HS3ST4: variants seen among roughly 807,000 people sequenced by gnomAD.
The protein encoded by HS3ST4 is heparan sulfate glucosamine 3-O-sulfotransferase 4.
A neutral mutation model predicts 29.2 loss-of-function variants in HS3ST4; 17 were observed. That is an observed-to-expected ratio of 0.58 (90% CI 0.40 to 0.87). The LOEUF (loss-of-function observed/expected upper bound fraction) is 0.87, where lower values mean the gene tolerates loss of function less well. Among genes scored for constraint, HS3ST4 ranks in the 40% least tolerant of loss-of-function variants. The probability of loss-of-function intolerance (pLI) is 0.00; values close to 1 mark genes in which losing one functional copy is unlikely to be tolerated. For synonymous variants in HS3ST4, 314 were observed against 285.7 expected (o/e 1.10, Z -1.00); for missense variants, 627 against 634.5 (o/e 0.99, Z 0.13).
chr16:25,707,491 G>A (rs1266518756), intron 1 of HS3ST4, among the ~76,000 whole-genome samples: 1 of 152,124 alleles, frequency 6.6e-6, no homozygotes, highest in Admixed American at 6.5e-5. Flanking sequence ...TGGGGGTCTT[G>A]GAGCATATCC....
At chr16:25,869,533 G>T (rs978532395) in intron 1 of HS3ST4, among the ~76,000 whole-genome samples, 2 of 152,128 alleles carry the variant, frequency 1.3e-5, no homozygotes, top group African/African-American at 4.8e-5. Context: ...CACAAGTAGT[G>T]CAGGGAGGGA....
At chr16:25,778,137 A>AAT (rs34878441) in intron 1 of HS3ST4, among the ~76,000 whole-genome samples, 25,511 of 151,450 alleles carry the variant, frequency 0.17, 2,226 homozygotes, top group Middle Eastern at 0.28. Context: ...TACATACTAA[A>AAT]ATATATATAT....
intron 1 of HS3ST4, among the ~76,000 whole-genome samples, chr16:26,099,321 A>C (rs918398579): frequency 6.6e-6 from 1 of 152,114 alleles, no homozygotes; most frequent in African/African-American, 2.4e-5. Context: ...TACTGGACTA[A>C]TTTTCAAAAA....
At chr16:25,830,696 C>T (rs58885170) in intron 1 of HS3ST4, among the ~76,000 whole-genome samples, 37,338 of 151,870 alleles carry the variant, frequency 0.25, 4,725 homozygotes, top group Non-Finnish European at 0.25. Flanking sequence ...TCTTTCCATT[C>T]ATTCCCCACC....
chr16:25,828,234 C>CT (rs1290062049), intron 1 of HS3ST4, among the ~76,000 whole-genome samples: 3 of 77,266 alleles, frequency 3.9e-5, no homozygotes, highest in Non-Finnish European at 5.0e-5. Context: ...TTCTTTCTTT[C>CT]TTTCTTTCTC....
At chr16:26,067,405 A>T (rs1363968774) in intron 1 of HS3ST4, among the ~76,000 whole-genome samples, 1 of 151,972 alleles carries the variant, frequency 6.6e-6, no homozygotes, top group African/African-American at 2.4e-5. Context: ...GGGAGACATG[A>T]CCAAATTAGT....
intron 1 of HS3ST4, among the ~76,000 whole-genome samples, chr16:26,089,707 C>T (rs1009651473): frequency 9.2e-5 from 14 of 152,244 alleles, no homozygotes; most frequent in Middle Eastern, 3.4e-3. Flanking sequence ...ACTTAAGGCC[C>T]GTTGTTTTGC....
intron 1 of HS3ST4, among the ~76,000 whole-genome samples, chr16:25,876,867 A>G (rs1967838487): frequency 6.6e-6 from 1 of 152,012 alleles, no homozygotes; most frequent in South Asian, 2.1e-4. Context: ...CTGTGCTTCC[A>G]TAGCTCTTCA....
chr16:25,780,555 C>G (rs1966851724), intron 1 of HS3ST4, among the ~76,000 whole-genome samples: 1 of 152,106 alleles, frequency 6.6e-6, no homozygotes, highest in African/African-American at 2.4e-5. Context: ...GGAGGAGAAG[C>G]AAAGAATTGG....
intron 1 of HS3ST4, among the ~76,000 whole-genome samples, chr16:25,993,859 A>C (rs1230366515): frequency 2.6e-5 from 4 of 151,978 alleles, no homozygotes; most frequent in Admixed American, 2.6e-4. Context: ...GGGAAGTCCA[A>C]GATCAAGGTG....
At position 25,837,848 on chromosome 16, in the gene HS3ST4, T is replaced by A. The variant is rs549056888; in HGVS notation, c.734+144697T>A. 9.2e-5 allele frequency among the ~76,000 whole-genome samples: 14 copies of A among 152,290 alleles called. No homozygotes were observed. The South Asian group carries it at 2.7e-3, about 29-fold the overall frequency. On this transcript the variant is annotated intron_variant, in intron 1 of 1. Transcript: ENST00000331351. ...CTTTGTTTTATGGGTAAATCGCATG[T>A]CACTGAGGTTGGGTGTAGGAATGGT...
At chr16:25,728,063 G>A (rs1212202137) in intron 1 of HS3ST4, among the ~76,000 whole-genome samples, 1 of 152,128 alleles carries the variant, frequency 6.6e-6, no homozygotes, top group Non-Finnish European at 1.5e-5. Context: ...GTGCAGTGGT[G>A]CCATCTCGGC....
At chr16:25,850,224 C>T (rs1967504482) in intron 1 of HS3ST4, among the ~76,000 whole-genome samples, 1 of 151,852 alleles carries the variant, frequency 6.6e-6, no homozygotes, top group Non-Finnish European at 1.5e-5. Flanking sequence ...GTCTTGAACC[C>T]TGATCCACCT....
At chr16:25,869,548 G>A (rs1967728172) in intron 1 of HS3ST4, among the ~76,000 whole-genome samples, 1 of 152,158 alleles carries the variant, frequency 6.6e-6, no homozygotes, top group Admixed American at 6.5e-5. Context: ...GAGGGATCAG[G>A]AGTTCAGTTG....
At chr16:26,022,518 G>T (rs1189558091) in intron 1 of HS3ST4, among the ~76,000 whole-genome samples, 2 of 152,110 alleles carry the variant, frequency 1.3e-5, no homozygotes, top group African/African-American at 4.8e-5. Context: ...GGTCCAGGAG[G>T]CCACCTGCTC....
chr16:25,701,479 C>G (rs1966334228), intron 1 of HS3ST4, among the ~76,000 whole-genome samples: 1 of 152,032 alleles, frequency 6.6e-6, no homozygotes. Flanking sequence ...AAGAGGGGTT[C>G]AAGGGTGCTA....
At chr16:26,079,196 CATA>C (rs1466621178) in intron 1 of HS3ST4, among the ~76,000 whole-genome samples, 4 of 152,154 alleles carry the variant, frequency 2.6e-5, no homozygotes, top group Non-Finnish European at 4.4e-5. Context: ...ATGCCCGAGA[CATA>C]ATAAACGAGC....
intron 1 of HS3ST4, among the ~76,000 whole-genome samples, chr16:25,729,338 T>C (rs1393786535): frequency 6.6e-6 from 1 of 152,138 alleles, no homozygotes; most frequent in African/African-American, 2.4e-5. Context: ...TCTAAATATA[T>C]GCATATGGAA....
intron 1 of HS3ST4, among the ~76,000 whole-genome samples, chr16:26,109,674 C>T (rs1261224161): frequency 6.6e-6 from 1 of 151,790 alleles, no homozygotes; most frequent in East Asian, 1.9e-4. Flanking sequence ...ATTGTCAATG[C>T]CCAGTTCTCC....
Sources: gnomAD v4.1 joint callset for allele counts (sites outside exome capture counted in the v4.1 genomes callset) on GRCh38, gnomAD v4.1.1 for gene constraint, MANE v1.5 for transcripts, NCBI Gene and HGNC (gene_info 2026-07-23, HGNC 2026-07-21) for gene names.